Variants in SENP1 observed in about 807,000 individuals in gnomAD.
SENP1 encodes the protein sentrin-specific protease 1.
Under a neutral mutation model 93.0 loss-of-function variants are expected in SENP1, and 21 were observed. That is an observed-to-expected ratio of 0.23 (90% CI 0.16 to 0.33). The LOEUF is 0.33. SENP1 is among the 10% of genes least tolerant of loss of function. SENP1 has a pLI of 1.00. For synonymous variants in SENP1, 256 were observed against 259.6 expected (o/e 0.99, Z 0.13); for missense variants, 591 against 758.7 (o/e 0.78, Z 2.60).
chr12:48,046,368 G>T lies in SENP1; in HGVS notation c.1860C>A (p.Ile620=). ...AGGCTCAGCTCACCTGTGTGAAGTTGATTGGTCTGTCTTTGGTAATACAGT... is the reference window on the plus strand; with the variant it reads ...AGGCTCAGCTCACCTGTGTGAAGTTTATTGGTCTGTCTTTGGTAATACAGT... ...YADCITKDRP[I]NFTQQHMPYF... The change falls in exon 17 of 18, where the codon ATC becomes ATA. Residue 620 remains isoleucine (I), a synonymous_variant. Transcript: ENST00000549518. 1.2e-6 allele frequency: 2 copies of T among 1,611,592 alleles called. No homozygotes were observed. The highest frequency in any genetic ancestry group is 1.7e-6 in the Non-Finnish European group (2 of 1,177,820).
chr12:48,074,816 AAC>A (rs1943952328), intron 6 of SENP1, 23 bp from the exon 7 acceptor site: 6 of 1,449,480 alleles, frequency 4.1e-6, no homozygotes, highest in Non-Finnish European at 5.7e-6. Context: ...AAAAAAAAAA[AAC>A]AGTTTAAACA....
intron 9 of SENP1, among the ~76,000 whole-genome samples, chr12:48,070,994 G>A (rs981341449): frequency 2.0e-5 from 3 of 152,200 alleles, no homozygotes; most frequent in African/African-American, 7.2e-5. Context: ...TGAGGCAAGA[G>A]GATCACTTGA....
chr12:48,066,558 C>T (rs1022111586), intron 10 of SENP1, among the ~76,000 whole-genome samples: 2 of 150,802 alleles, frequency 1.3e-5, no homozygotes, highest in South Asian at 2.1e-4. Context: ...GTTGCCCAGG[C>T]TGGAGTGCAG....
intron 6 of SENP1, among the ~76,000 whole-genome samples, chr12:48,082,469 C>A (rs553096987): frequency 7.2e-5 from 11 of 152,288 alleles, no homozygotes; most frequent in African/African-American, 2.6e-4. Context: ...TTTTCCTAAT[C>A]TGTAAAACAT....
intron 4 of SENP1, among the ~76,000 whole-genome samples, chr12:48,095,627 C>T (rs1427057212): frequency 6.6e-6 from 1 of 151,178 alleles, no homozygotes; most frequent in Non-Finnish European, 1.5e-5. Flanking sequence ...GAGACTGAAG[C>T]ATGAGGAGTA....
At chr12:48,089,062 G>T in intron 4 of SENP1, 102 bp from the exon 5 acceptor site, 1 of 1,532,936 alleles carries the variant, frequency 6.5e-7, no homozygotes, top group Non-Finnish European at 8.8e-7. Flanking sequence ...AATGTGGCAT[G>T]TCACCATTTC....
At chr12:48,086,318 T>C (rs1944857175) in intron 5 of SENP1, among the ~76,000 whole-genome samples, 1 of 152,156 alleles carries the variant, frequency 6.6e-6, no homozygotes, top group Non-Finnish European at 1.5e-5. Flanking sequence ...AATTAAGAAG[T>C]GTAAAAGTGA....
intron 9 of SENP1, among the ~76,000 whole-genome samples, chr12:48,069,516 G>T (rs942362804): frequency 6.6e-6 from 1 of 152,172 alleles, no homozygotes; most frequent in Non-Finnish European, 1.5e-5. Flanking sequence ...GGCAGTCTTA[G>T]TAAAGAACCA....
At chr12:48,071,363 C>G (rs1314003486) in intron 9 of SENP1, among the ~76,000 whole-genome samples, 3 of 152,112 alleles carry the variant, frequency 2.0e-5, no homozygotes, top group Non-Finnish European at 4.4e-5. Context: ...CGCCTGTAAT[C>G]CCAGCACTTT....
chr12:48,101,600 G>T, intron 1 of SENP1, 84 bp from the exon 2 acceptor site: 1 of 712,558 alleles, frequency 1.4e-6, no homozygotes, highest in Non-Finnish European at 2.4e-6. Context: ...CACTAGAAGT[G>T]ACATTTGTTT....
intron 10 of SENP1, among the ~76,000 whole-genome samples, 175 bp downstream of exon 10, chr12:48,066,752 T>A (rs911981518): frequency 6.6e-6 from 1 of 152,148 alleles, no homozygotes; most frequent in Non-Finnish European, 1.5e-5. Flanking sequence ...CCTCAGATGA[T>A]CCACCTGCCT....
intron 9 of SENP1, among the ~76,000 whole-genome samples, chr12:48,067,214 C>T (rs1303884025): frequency 1.3e-5 from 2 of 152,182 alleles, no homozygotes; most frequent in Non-Finnish European, 2.9e-5. Flanking sequence ...CAAAGTTCAG[C>T]AGAGATACTA....
intron 1 of SENP1, chr12:48,105,279 T>C: frequency 4.4e-6 from 2 of 450,946 alleles, no homozygotes; most frequent in Admixed American, 2.4e-5. Context: ...GCTAACAAGA[T>C]AGTGGAAATA....
chr12:48,105,819 A>ACGGCCACCGGCGGCCACAGCG, intron 1 of SENP1: 1 of 595,626 alleles, frequency 1.7e-6, no homozygotes, highest in Non-Finnish European at 3.0e-6. Flanking sequence ...AGGTAGCCTA[A>ACGGCCACCGGCGGCCACAGCG]CGGCCACCGG....
chr12:48,098,892 C>A (rs1945738930), intron 2 of SENP1, among the ~76,000 whole-genome samples: 1 of 152,102 alleles, frequency 6.6e-6, no homozygotes, highest in African/African-American at 2.4e-5. Flanking sequence ...TCATAGCTAA[C>A]CAATGGCAAA....
intron 11 of SENP1, 134 bp downstream of exon 11, chr12:48,065,462 A>G (rs1943237168): frequency 1.5e-6 from 1 of 657,114 alleles, no homozygotes; most frequent in Non-Finnish European, 2.6e-6. Context: ...CATTTACGAC[A>G]TATCATAACA....
At chr12:48,075,851 T>TA (rs140955075) in intron 6 of SENP1, among the ~76,000 whole-genome samples, 25,294 of 151,766 alleles carry the variant, frequency 0.17, 2,433 homozygotes, top group East Asian at 0.28. Flanking sequence ...AAGATTTCTC[T>TA]AAAAAAAAGT....
At chr12:48,084,993 C>T (rs1347739355) in intron 5 of SENP1, 4 of 729,832 alleles carry the variant, frequency 5.5e-6, no homozygotes, top group Non-Finnish European at 9.0e-6. Flanking sequence ...TGGGTTTGTA[C>T]GTGTGTTAAG....
chr12:48,045,036 T>A lies in SENP1; in HGVS notation c.*286A>T. On this transcript the variant is annotated 3_prime_UTR_variant, in exon 18 of 18. Transcript: ENST00000549518. ...TAGGGACTGAGTGAGGCTGGAGCCCTTTGAAAACAAGATGGCAGAACTGAA... is the reference window on the plus strand; with the variant it reads ...TAGGGACTGAGTGAGGCTGGAGCCCATTGAAAACAAGATGGCAGAACTGAA... 1 of 412,482 alleles carries A rather than the reference T, an allele frequency of 2.4e-6. No homozygotes were observed. The highest frequency in any genetic ancestry group is 4.4e-6 in the Non-Finnish European group (1 of 227,284). 25.6% of individuals were successfully genotyped at this position (412,482 alleles called of 1,614,324 possible).
Sources: gnomAD v4.1 joint callset for allele counts (sites outside exome capture counted in the v4.1 genomes callset) on GRCh38, gnomAD v4.1.1 for gene constraint, MANE v1.5 for transcripts, NCBI Gene and HGNC (gene_info 2026-07-23, HGNC 2026-07-21) for gene names.